Variants in SLC25A21 observed in about 807,000 individuals in gnomAD.
SLC25A21 encodes the protein mitochondrial 2-oxodicarboxylate carrier.
SLC25A21 carries 47 observed loss-of-function variants against 43.8 expected under a neutral mutation model. The ratio of observed to expected loss-of-function variants is 1.07; its 90% CI spans 0.85 to 1.37. The LOEUF (loss-of-function observed/expected upper bound fraction) is 1.37, where lower values mean the gene tolerates loss of function less well. Ranked by LOEUF, SLC25A21 falls within the 40% of genes most tolerant of loss-of-function variation. The probability of loss-of-function intolerance (pLI) is 0.00; values close to 1 mark genes in which losing one functional copy is unlikely to be tolerated. For synonymous variants in SLC25A21, 131 were observed against 121.3 expected (o/e 1.08, Z -0.52); for missense variants, 352 against 350.2 (o/e 1.00, Z -0.04).
At chr14:36,745,422 G>GTCT (rs1331125088) in intron 3 of SLC25A21, among the ~76,000 whole-genome samples, 1 of 152,118 alleles carries the variant, frequency 6.6e-6, no homozygotes, top group African/African-American at 2.4e-5. Flanking sequence ...TCGCCACACT[G>GTCT]TCTTCCACAA....
At chr14:36,741,563 T>C (rs984433347) in intron 3 of SLC25A21, among the ~76,000 whole-genome samples, 4 of 152,180 alleles carry the variant, frequency 2.6e-5, no homozygotes, top group Non-Finnish European at 4.4e-5. Flanking sequence ...CTGATATTCA[T>C]AATCAAAGTC....
chr14:37,137,289 G>A (rs187484610), intron 1 of SLC25A21, among the ~76,000 whole-genome samples: 7 of 152,234 alleles, frequency 4.6e-5, no homozygotes, highest in Admixed American at 2.6e-4. Flanking sequence ...GAGCCACCGC[G>A]CCCAGCTGGC....
chr14:36,733,362 T>C (rs1566551369), intron 4 of SLC25A21, among the ~76,000 whole-genome samples: 1 of 152,202 alleles, frequency 6.6e-6, no homozygotes, highest in Non-Finnish European at 1.5e-5. Context: ...CAGATCCTTA[T>C]AACAAAATTT....
At chr14:36,782,522 T>C (rs575989144) in intron 3 of SLC25A21, among the ~76,000 whole-genome samples, 3 of 152,180 alleles carry the variant, frequency 2.0e-5, no homozygotes, top group Admixed American at 1.3e-4. Flanking sequence ...ATCTTTGCAT[T>C]TGAAGATGCA....
intron 2 of SLC25A21, among the ~76,000 whole-genome samples, chr14:36,824,014 C>T (rs1888729246): frequency 1.3e-5 from 2 of 152,174 alleles, no homozygotes; most frequent in South Asian, 2.1e-4. Context: ...GGGAACTGAG[C>T]CACTCTACAG....
At chr14:37,108,355 G>A (rs1387668335) in intron 1 of SLC25A21, among the ~76,000 whole-genome samples, 1 of 152,116 alleles carries the variant, frequency 6.6e-6, no homozygotes, top group East Asian at 1.9e-4. Flanking sequence ...ACCCAGGATA[G>A]AGTACAAACA....
intron 7 of SLC25A21, among the ~76,000 whole-genome samples, chr14:36,701,437 T>G (rs1883272160): frequency 6.6e-6 from 1 of 152,202 alleles, no homozygotes; most frequent in Non-Finnish European, 1.5e-5. Flanking sequence ...GAAATCAAAG[T>G]CTTGTTAAAA....
intron 1 of SLC25A21, among the ~76,000 whole-genome samples, chr14:37,056,900 A>G (rs1478623094): frequency 6.6e-6 from 1 of 152,164 alleles, no homozygotes; most frequent in Non-Finnish European, 1.5e-5. Flanking sequence ...GACTAGAAAC[A>G]CTTCAAAATC....
At chr14:37,065,719 A>G (rs1962046528) in intron 1 of SLC25A21, among the ~76,000 whole-genome samples, 1 of 152,226 alleles carries the variant, frequency 6.6e-6, no homozygotes, top group Non-Finnish European at 1.5e-5. Context: ...ACATCACTTA[A>G]AGAAGGGTAC....
At chr14:37,137,320 A>C (rs1963499758) in intron 1 of SLC25A21, among the ~76,000 whole-genome samples, 1 of 152,214 alleles carries the variant, frequency 6.6e-6, no homozygotes, top group African/African-American at 2.4e-5. Context: ...GAATGCTGGT[A>C]TTAAATAAAT....
chr14:36,888,351 T>A (rs991452439), intron 1 of SLC25A21, among the ~76,000 whole-genome samples: 1 of 152,198 alleles, frequency 6.6e-6, no homozygotes, highest in African/African-American at 2.4e-5. Flanking sequence ...ATCAGAATTT[T>A]AAAAAATTCC....
chr14:36,742,315 C>T (rs986710640), intron 3 of SLC25A21, among the ~76,000 whole-genome samples: 4 of 152,124 alleles, frequency 2.6e-5, no homozygotes, highest in South Asian at 2.1e-4. Flanking sequence ...ATTAAAACAA[C>T]GAAGTCCACG....
chr14:36,785,063 G>A (rs1887198767), intron 3 of SLC25A21, among the ~76,000 whole-genome samples: 1 of 152,144 alleles, frequency 6.6e-6, no homozygotes, highest in Non-Finnish European at 1.5e-5. Flanking sequence ...GCCAGGGGAA[G>A]ACAGTCCAAC....
At chr14:37,074,608 G>A (rs1462144527) in intron 1 of SLC25A21, among the ~76,000 whole-genome samples, 1 of 152,138 alleles carries the variant, frequency 6.6e-6, no homozygotes, top group African/African-American at 2.4e-5. Flanking sequence ...AAGGTGGATG[G>A]ATCACCTGAG....
At chr14:36,955,163 A>C (rs1424344842) in intron 1 of SLC25A21, among the ~76,000 whole-genome samples, 1 of 152,210 alleles carries the variant, frequency 6.6e-6, no homozygotes, top group Non-Finnish European at 1.5e-5. Context: ...AAATGAAAGA[A>C]TGAATGGGCA....
intron 1 of SLC25A21, among the ~76,000 whole-genome samples, chr14:37,080,602 A>C (rs1441434038): frequency 2.0e-5 from 3 of 152,204 alleles, no homozygotes; most frequent in Non-Finnish European, 4.4e-5. Context: ...CCTGCCTCAA[A>C]AACAAACAAA....
intron 3 of SLC25A21, among the ~76,000 whole-genome samples, chr14:36,762,480 C>T (rs552065668): frequency 6.6e-6 from 1 of 152,300 alleles, no homozygotes; most frequent in Non-Finnish European, 1.5e-5. Context: ...CGAAGTCACA[C>T]AGATAGCAAG....
intron 1 of SLC25A21, among the ~76,000 whole-genome samples, chr14:36,908,247 C>G (rs1891587769): frequency 6.6e-6 from 1 of 152,090 alleles, no homozygotes. Context: ...TATGTCAATG[C>G]AGGTTCACTG....
At chr14:36,834,044 A>G (rs1469055524) in intron 2 of SLC25A21, among the ~76,000 whole-genome samples, 1 of 152,226 alleles carries the variant, frequency 6.6e-6, no homozygotes, top group Non-Finnish European at 1.5e-5. Context: ...CCTTTTGGTC[A>G]TTTGTCTCAC....
Sources: allele counts gnomAD v4.1 joint callset (sites outside exome capture counted in the v4.1 genomes callset), GRCh38; gene constraint gnomAD v4.1.1; transcripts MANE v1.5; gene names NCBI Gene and HGNC (gene_info 2026-07-23, HGNC 2026-07-21).